The following PDGFRL variants were observed in gnomAD, a reference collection of about 807,000 sequenced individuals.
The protein encoded by PDGFRL is platelet derived growth factor receptor like.
PDGFRL carries 46 observed loss-of-function variants against 37.2 expected under a neutral mutation model. That is an observed-to-expected ratio of 1.24 (90% CI 0.98 to 1.58). The LOEUF (loss-of-function observed/expected upper bound fraction) is 1.58, where lower values mean the gene tolerates loss of function less well. Among genes scored for constraint, PDGFRL ranks in the 40% most tolerant of loss-of-function variants. The probability of loss-of-function intolerance (pLI) is 0.00; values close to 1 mark genes in which losing one functional copy is unlikely to be tolerated. For missense variants in PDGFRL, 692 were observed against 467.6 expected, an observed-to-expected ratio of 1.48 and a Z score of -4.43; for synonymous variants, 251 against 184.3, an observed-to-expected ratio of 1.36 and a Z score of -2.93.
chr8:17,626,291 G>A (rs548592894), intron 3 of PDGFRL, among the ~76,000 whole-genome samples: 4 of 152,174 alleles, frequency 2.6e-5, no homozygotes, highest in Non-Finnish European at 4.4e-5. Flanking sequence ...TAGGCATGAC[G>A]TTGACAAAGG....
intron 3 of PDGFRL, among the ~76,000 whole-genome samples, chr8:17,622,410 C>T (rs1260603758): frequency 1.6e-5 from 1 of 63,436 alleles, no homozygotes; most frequent in Non-Finnish European, 3.3e-5. Flanking sequence ...AGACGTAGAC[C>T]TAGACATAGG....
At chr8:17,641,096 C>G (rs1805082745) in intron 5 of PDGFRL, among the ~76,000 whole-genome samples, 1 of 152,106 alleles carries the variant, frequency 6.6e-6, no homozygotes, top group South Asian at 2.1e-4. Flanking sequence ...CCCACGTAGC[C>G]CAAAGGGCCG....
At chr8:17,634,642 A>G (rs1193381991) in intron 5 of PDGFRL, among the ~76,000 whole-genome samples, 1 of 152,228 alleles carries the variant, frequency 6.6e-6, no homozygotes, top group Admixed American at 6.5e-5. Context: ...GCAGCCATGA[A>G]AAAGAATGAG....
chr8:17,614,313 GTA>G (rs1804480386), intron 2 of PDGFRL, among the ~76,000 whole-genome samples: 4 of 152,032 alleles, frequency 2.6e-5, no homozygotes. Flanking sequence ...GACAGTTTCA[GTA>G]TGTTTTACCC....
chr8:17,634,245 GTCTCAGCCTCTGCA>G (rs1437587062), intron 5 of PDGFRL, 32 bp downstream of exon 5: 4 of 1,559,666 alleles, frequency 2.6e-6, no homozygotes, highest in Non-Finnish European at 3.5e-6. Flanking sequence ...CAGCCCCTGC[GTCTCAGCCTCTGCA>G]TCTCAGCCAG....
chr8:17,576,591 C>T (rs541764712), upstream of PDGFRL: 1 of 298,542 alleles, frequency 3.3e-6, no homozygotes, highest in Non-Finnish European at 4.9e-6. Flanking sequence ...ATTCCCTGTT[C>T]TCCTGCCTCA....
At position 17,643,008 on chromosome 8, in the gene PDGFRL, A is replaced by G. The variant is rs1805183438; in HGVS notation, c.*207A>G. On this transcript the variant is annotated 3_prime_UTR_variant, in exon 6 of 6. Coordinates refer to ENST00000251630, the MANE Select transcript of PDGFRL (RefSeq NM_001372073.1). ...AGTGTTAACTTTTCTAACAGAAAGC[A>G]TGATTTTGATTGCTTACCTACATAC... The G allele has an allele frequency of 2.0e-6, 1 of 496,946 alleles. No homozygotes were observed. 30.8% of individuals were successfully genotyped at this position (496,946 alleles called of 1,614,324 possible). A position where few individuals can be genotyped will look rare whatever the true frequency, so the allele number is the denominator to read the frequency against.
In PDGFRL at chr8:17,621,153, C is replaced by G. The variant is rs1040162289; in HGVS notation, c.456C>G (p.Ile152Met). 6 of 1,611,714 alleles carry G rather than the reference C, an allele frequency of 3.7e-6. No individual in the cohort carries two copies. Among genetic ancestry groups the G allele is most frequent in the Non-Finnish European group, 4.2e-6 (5 of 1,178,432 alleles). The change falls in exon 3 of 6, where the codon ATC (isoleucine) becomes ATG (methionine). Residue 152 changes from isoleucine (I) to methionine (M), a missense_variant. Coordinates refer to ENST00000251630, the MANE Select transcript of PDGFRL (RefSeq NM_001372073.1). ...SCWVQLCSGY[I>M]CRKDEAKTGS... Reference sequence around the variant, plus strand: ...GGGTGCAGCTCTGCAGCGGCTACATCTGCAGGAAGGACGAGGCCAAAACGG... The same window carrying G: ...GGGTGCAGCTCTGCAGCGGCTACATGTGCAGGAAGGACGAGGCCAAAACGG...
chr8:17,599,649 G>A (rs541578293), intron 2 of PDGFRL, among the ~76,000 whole-genome samples: 2 of 152,262 alleles, frequency 1.3e-5, no homozygotes, highest in African/African-American at 4.8e-5. Flanking sequence ...GCCACCTCAC[G>A]TTTGCTTGGC....
intron 2 of PDGFRL, among the ~76,000 whole-genome samples, chr8:17,608,416 A>G (rs28705932): frequency 0.16 from 24,331 of 152,140 alleles, 2,095 homozygotes; most frequent in South Asian, 0.3. Context: ...AAGTGAATCA[A>G]TGTTGAACGT....
chr8:17,628,791 C>G lies in PDGFRL; in HGVS notation c.799+11C>G, dbSNP rs931260561. On this transcript the variant is annotated intron_variant, in intron 4 of 5. Transcript: ENST00000251630. ...TGCTCTATGTGGCGGGTAAGCCTGG[C>G]CACCCCTGCCTAGATTCTAGTTAGT... 7 of 1,599,190 alleles carry G rather than the reference C, an allele frequency of 4.4e-6. No individual in the cohort carries two copies. In the Admixed American group the frequency reaches 6.7e-5, roughly 15 times the overall value.
chr8:17,632,855 C>A (rs1804891154), intron 4 of PDGFRL, among the ~76,000 whole-genome samples: 1 of 152,100 alleles, frequency 6.6e-6, no homozygotes, highest in African/African-American at 2.4e-5. Context: ...GCTGGTGTCT[C>A]CCTGCTTCTC....
intron 2 of PDGFRL, among the ~76,000 whole-genome samples, chr8:17,589,997 C>T (rs577079100): frequency 6.6e-6 from 1 of 151,536 alleles, no homozygotes; most frequent in African/African-American, 2.4e-5. Context: ...TTTGGGAGGC[C>T]GAGGTGGGCG....
chr8:17,637,439 A>G (rs1426915280), intron 5 of PDGFRL, among the ~76,000 whole-genome samples: 1 of 152,148 alleles, frequency 6.6e-6, no homozygotes, highest in African/African-American at 2.4e-5. Context: ...ATGGTGGACT[A>G]TCTATTTGAT....
chr8:17,625,337 A>C (rs7817837), intron 3 of PDGFRL, among the ~76,000 whole-genome samples: 2,164 of 152,212 alleles, frequency 0.014, 43 homozygotes, highest in African/African-American at 0.049. Flanking sequence ...TTTTTAGCAG[A>C]GATGGGGTTT....
In PDGFRL at chr8:17,642,922, C is replaced by A; in HGVS notation, c.*121C>A. 3.1e-6 allele frequency: 2 copies of A among 643,726 alleles called. No individual in the cohort carries two copies. The highest frequency in any genetic ancestry group is 2.9e-5 in the Admixed American group (1 of 34,084). The allele number at this position is 643,726 out of a possible 1,614,324, so 39.9% of individuals were successfully genotyped here. Reference sequence around the variant, plus strand: ...GTCAAGCACCACACCCCAACCCCAGCGTCTCGTGAGTCCGACCCAGACATC... The same window carrying A: ...GTCAAGCACCACACCCCAACCCCAGAGTCTCGTGAGTCCGACCCAGACATC... On this transcript the variant is annotated 3_prime_UTR_variant, in exon 6 of 6. Coordinates refer to ENST00000251630, the MANE Select transcript of PDGFRL (RefSeq NM_001372073.1).
chr8:17,637,098 C>A (rs1804986483), intron 5 of PDGFRL, among the ~76,000 whole-genome samples: 1 of 152,056 alleles, frequency 6.6e-6, no homozygotes, highest in Non-Finnish European at 1.5e-5. Context: ...ATTTGGATGC[C>A]CTTTATTTCT....
At chr8:17,641,898 C>CCCGCCCCCCCCCCCCCCCCCCCCCCCCCT (rs1339224750) in intron 5 of PDGFRL, among the ~76,000 whole-genome samples, 1 of 129,854 alleles carries the variant, frequency 7.7e-6, no homozygotes, top group African/African-American at 3.2e-5. Flanking sequence ...AATAGAGGTC[C>CCCGCCCCCCCCCCCCCCCCCCCCCCCCCT]CCGCCACATT....
chr8:17,589,816 A>C (rs763698103), intron 2 of PDGFRL, 51 bp downstream of exon 2: 11 of 1,068,394 alleles, frequency 1.0e-5, no homozygotes, highest in African/African-American at 1.6e-5. Flanking sequence ...GTAATAGTTA[A>C]CAAAATTCCT....
Sources: gnomAD v4.1 joint callset for allele counts (sites outside exome capture counted in the v4.1 genomes callset) on GRCh38, gnomAD v4.1.1 for gene constraint, MANE v1.5 for transcripts, NCBI Gene and HGNC (gene_info 2026-07-23, HGNC 2026-07-21) for gene names.